PPP1R13B: variants seen among roughly 807,000 people sequenced by gnomAD.
The protein encoded by PPP1R13B is protein phosphatase 1 regulatory subunit 13B, also known as apoptosis-stimulating of p53 protein 1.
In PPP1R13B, 44 loss-of-function variants were observed where a neutral mutation model predicts 119.8. The observed-to-expected ratio is 0.37, with a 90% CI of 0.29 to 0.47. The LOEUF is 0.47. Ranked by LOEUF, PPP1R13B falls within the 20% of genes least tolerant of loss-of-function variation. The pLI is 0.99. For missense variants in PPP1R13B, 1,227 were observed against 1,413.5 expected, an observed-to-expected ratio of 0.87 and a Z score of 2.12; for synonymous variants, 542 against 561.5, an observed-to-expected ratio of 0.97 and a Z score of 0.49.
chr14:103,819,307 T>A (rs2086349823), intron 1 of PPP1R13B, among the ~76,000 whole-genome samples: 1 of 151,988 alleles, frequency 6.6e-6, no homozygotes, highest in Admixed American at 6.6e-5. Flanking sequence ...GGCTGCTTTG[T>A]TGAGAACAGA....
intron 6 of PPP1R13B, 23 bp downstream of exon 6, chr14:103,754,047 G>A (rs772103417): frequency 8.1e-6 from 13 of 1,608,984 alleles, no homozygotes; most frequent in South Asian, 4.4e-5. Context: ...GAGTGGTGTC[G>A]AGGGGGTGTT....
chr14:103,809,686 G>A (rs2086100630), intron 1 of PPP1R13B, among the ~76,000 whole-genome samples: 1 of 151,876 alleles, frequency 6.6e-6, no homozygotes, highest in African/African-American at 2.4e-5. Context: ...GCCAGGCATG[G>A]TAGTATATGC....
At position 103,741,859 on chromosome 14, in the gene PPP1R13B, G is replaced by A; in HGVS notation, c.1753C>T (p.Gln585Ter). The A allele has an allele frequency of 6.2e-7, 1 of 1,614,232 alleles. No homozygotes were observed. The highest frequency in any genetic ancestry group is 8.5e-7 in the Non-Finnish European group (1 of 1,180,030). Reference sequence around the variant, plus strand: ...TAATTCTTAGGTGGTGTGGCTTGCTGGAGGTACATGGAGTATATGGAACTT... The same window carrying A: ...TAATTCTTAGGTGGTGTGGCTTGCTAGAGGTACATGGAGTATATGGAACTT... ...NSSSIYSMYL[Q>*]QATPPKNYQP... Residue 585 changes from glutamine (Q) to a stop codon, truncating the protein, a stop_gained, in exon 11 of 17, where the codon CAG becomes TAG. Coordinates refer to ENST00000202556, the MANE Select transcript of PPP1R13B (RefSeq NM_015316.3). LOFTEE classifies it high-confidence loss of function.
chr14:103,793,483 T>C (rs2085679180), intron 2 of PPP1R13B, among the ~76,000 whole-genome samples: 1 of 152,212 alleles, frequency 6.6e-6, no homozygotes, highest in African/African-American at 2.4e-5. Flanking sequence ...CCTTCTGTCA[T>C]GATTGTAAGT....
At chr14:103,844,428 T>G (rs2086980277) in intron 1 of PPP1R13B, among the ~76,000 whole-genome samples, 1 of 151,914 alleles carries the variant, frequency 6.6e-6, no homozygotes, top group South Asian at 2.1e-4. Flanking sequence ...CACCATGTGA[T>G]TAATTAAAAG....
intron 4 of PPP1R13B, among the ~76,000 whole-genome samples, chr14:103,761,272 T>C (rs61995805): frequency 1.0e-5 from 1 of 95,472 alleles, no homozygotes; most frequent in African/African-American, 4.8e-5. Context: ...AGACCCTATA[T>C]TTAAAAAAAA....
At chr14:103,787,702 G>C (rs2085505885) in intron 2 of PPP1R13B, among the ~76,000 whole-genome samples, 1 of 148,354 alleles carries the variant, frequency 6.7e-6, no homozygotes, top group Non-Finnish European at 1.5e-5. Context: ...GCCCAGGCTG[G>C]AGTGCAGTGG....
At chr14:103,844,882 G>A (rs909353263) in intron 1 of PPP1R13B, among the ~76,000 whole-genome samples, 1 of 152,186 alleles carries the variant, frequency 6.6e-6, no homozygotes. Context: ...CTGAGCTGAG[G>A]TGTGTGCTGT....
intron 4 of PPP1R13B, among the ~76,000 whole-genome samples, chr14:103,770,052 G>A (rs1379404035): frequency 2.0e-5 from 3 of 151,364 alleles, no homozygotes; most frequent in African/African-American, 7.3e-5. Context: ...CTATAAATGT[G>A]AATAACTTTT....
At chr14:103,795,806 G>A (rs2085744705) in intron 2 of PPP1R13B, among the ~76,000 whole-genome samples, 1 of 152,124 alleles carries the variant, frequency 6.6e-6, no homozygotes, top group African/African-American at 2.4e-5. Context: ...TTCTAATTTA[G>A]TAATAGTCCA....
intron 1 of PPP1R13B, among the ~76,000 whole-genome samples, chr14:103,812,824 T>C (rs1298864745): frequency 6.6e-6 from 1 of 152,170 alleles, no homozygotes; most frequent in Non-Finnish European, 1.5e-5. Flanking sequence ...TCATAGGTCA[T>C]TTGGGAATTG....
At chr14:103,791,825 AT>A (rs1458966117) in intron 2 of PPP1R13B, among the ~76,000 whole-genome samples, 1 of 152,168 alleles carries the variant, frequency 6.6e-6, no homozygotes, top group Admixed American at 6.5e-5. Context: ...CTATAAAAAG[AT>A]TTTTAAAAGC....
intron 16 of PPP1R13B, among the ~76,000 whole-genome samples, chr14:103,735,706 G>C (rs1481479743): frequency 1.3e-5 from 2 of 152,212 alleles, no homozygotes; most frequent in Non-Finnish European, 2.9e-5. Flanking sequence ...AGTGTGGGTG[G>C]GCTGAGCCGG....
At chr14:103,832,907 G>C (rs533721592) in intron 1 of PPP1R13B, among the ~76,000 whole-genome samples, 1 of 152,236 alleles carries the variant, frequency 6.6e-6, no homozygotes, top group African/African-American at 2.4e-5. Flanking sequence ...ACTTGAACCT[G>C]GGAGGCAGCG....
chr14:103,808,710 A>T (rs774125795), intron 1 of PPP1R13B, among the ~76,000 whole-genome samples: 11 of 152,226 alleles, frequency 7.2e-5, no homozygotes, highest in Non-Finnish European at 1.2e-4. Context: ...TAGTAAGATC[A>T]TATTAAGTTC....
intron 4 of PPP1R13B, 198 bp downstream of exon 4, chr14:103,778,547 A>G (rs2085264527): frequency 5.6e-6 from 3 of 537,488 alleles, no homozygotes; most frequent in Non-Finnish European, 9.9e-6. Flanking sequence ...TGTGTGAGCC[A>G]CACACCTGGC....
intron 2 of PPP1R13B, among the ~76,000 whole-genome samples, chr14:103,788,602 T>A (rs2085530323): frequency 6.6e-6 from 1 of 151,548 alleles, no homozygotes; most frequent in Non-Finnish European, 1.5e-5. Flanking sequence ...GATGGAAGGA[T>A]CCCTTTAGCC....
intron 4 of PPP1R13B, among the ~76,000 whole-genome samples, chr14:103,775,332 T>G (rs2085162682): frequency 6.6e-6 from 1 of 151,808 alleles, no homozygotes; most frequent in South Asian, 2.1e-4. Flanking sequence ...TGGAGCGCAG[T>G]GGTGCAATCT....
intron 11 of PPP1R13B, 118 bp downstream of exon 11, chr14:103,741,672 G>T (rs896096429): frequency 6.9e-6 from 9 of 1,297,508 alleles, no homozygotes; most frequent in Non-Finnish European, 8.5e-6. Flanking sequence ...TTTTATGTAA[G>T]AATTAAGTTT....
Sources: gnomAD v4.1 joint callset for allele counts (sites outside exome capture counted in the v4.1 genomes callset) on GRCh38, gnomAD v4.1.1 for gene constraint, MANE v1.5 for transcripts, NCBI Gene and HGNC (gene_info 2026-07-23, HGNC 2026-07-21) for gene names.